Variants in SENP6 observed in about 807,000 individuals in gnomAD.
The protein encoded by SENP6 is SUMO specific peptidase 6.
SENP6 carries 41 observed loss-of-function variants against 134.5 expected under a neutral mutation model. The observed-to-expected ratio is 0.30, with a 90% CI of 0.24 to 0.40. The LOEUF is 0.40. Ranked by LOEUF, SENP6 falls within the 10% of genes least tolerant of loss-of-function variation. SENP6 has a pLI of 1.00. For synonymous variants in SENP6, 395 were observed against 429.8 expected (o/e 0.92, Z 1.00); for missense variants, 1,248 against 1,312.5 (o/e 0.95, Z 0.76).
Position 75,715,857 on chromosome 6 carries a change from C to A in SENP6, c.*263C>A. 4.2e-6 allele frequency: 1 copy of A among 238,818 alleles called. No individual in the cohort carries two copies. 14.8% of individuals were successfully genotyped at this position (238,818 alleles called of 1,614,324 possible). On this transcript the variant is annotated 3_prime_UTR_variant, in exon 24 of 24. Coordinates refer to ENST00000447266, the MANE Select transcript of SENP6 (RefSeq NM_015571.4). Reference sequence around the variant, plus strand: ...GTTATGTATTTTCTGTTAATAGTACCTAAAATTGCAACTTCTAAACACAAA... The same window carrying A: ...GTTATGTATTTTCTGTTAATAGTACATAAAATTGCAACTTCTAAACACAAA...
At chr6:75,676,856 C>T (rs979094540) in intron 13 of SENP6, 174 bp from the exon 14 acceptor site, 3 of 524,766 alleles carry the variant, frequency 5.7e-6, no homozygotes, top group African/African-American at 5.7e-5. Flanking sequence ...GCATGTAACA[C>T]ATACTGGTCT....
chr6:75,636,778 G>C (rs529873358), intron 5 of SENP6, among the ~76,000 whole-genome samples: 47 of 152,218 alleles, frequency 3.1e-4, no homozygotes, highest in Non-Finnish European at 5.0e-4. Flanking sequence ...TAAGATTGTT[G>C]CTTCCAGGGA....
chr6:75,625,061 T>G (rs1192849462), intron 3 of SENP6, among the ~76,000 whole-genome samples: 3 of 151,274 alleles, frequency 2.0e-5, no homozygotes, highest in Admixed American at 6.6e-5. Context: ...TTGGAGAAAT[T>G]GGCCCTTTGC....
intron 16 of SENP6, among the ~76,000 whole-genome samples, chr6:75,687,421 C>T (rs1490642632): frequency 6.6e-6 from 1 of 152,210 alleles, no homozygotes; most frequent in Non-Finnish European, 1.5e-5. Context: ...AGTCATTCTC[C>T]GTCCAGCTTT....
At chr6:75,610,479 AG>A (rs1377258092) in intron 1 of SENP6, among the ~76,000 whole-genome samples, 1 of 152,222 alleles carries the variant, frequency 6.6e-6, no homozygotes, top group Non-Finnish European at 1.5e-5. Flanking sequence ...CTACAGTTAC[AG>A]AAAGTGATAG....
At chr6:75,604,163 TA>T (rs1207393909) in intron 1 of SENP6, among the ~76,000 whole-genome samples, 11 of 152,196 alleles carry the variant, frequency 7.2e-5, no homozygotes, top group African/African-American at 2.4e-4. Context: ...TAGGGAGGAT[TA>T]AAACAAGCAC....
At chr6:75,630,904 A>T (rs1048265074) in intron 3 of SENP6, among the ~76,000 whole-genome samples, 1 of 151,838 alleles carries the variant, frequency 6.6e-6, no homozygotes, top group South Asian at 2.1e-4. Context: ...AGGAAAAAAA[A>T]TGGCTAATGG....
Position 75,602,544 on chromosome 6 carries a change from G to C in SENP6, c.20G>C (p.Gly7Ala). The change falls in exon 1 of 24, where the codon GGC becomes GCC. Residue 7 changes from glycine to alanine, a missense_variant. Transcript: ENST00000447266. ...AGGAAGATGGCGGCCGGCAAGAGCG[G>C]CGGTAGCGCAGGGGAGATTACTTTT... Reference protein sequence around the residue: MAAGKSGGSAGEITFLE... With the variant: MAAGKSAGSAGEITFLE... The C allele has an allele frequency of 6.4e-7, 1 of 1,551,604 alleles. No individual in the cohort carries two copies. Among genetic ancestry groups the C allele is most frequent in the Non-Finnish European group, 8.7e-7 (1 of 1,146,940 alleles).
chr6:75,622,940 T>G (rs1768386771), intron 2 of SENP6: 1 of 586,332 alleles, frequency 1.7e-6, no homozygotes, highest in African/African-American at 2.0e-5. Flanking sequence ...CTTTAAAATA[T>G]AAAACAATTA....
rs1367414283 is a variant in SENP6 at position 75,710,611 on chromosome 6, C to T, written c.2821-717C>T. Among the ~76,000 whole-genome samples the T allele has an allele frequency of 2.6e-5, 4 of 152,278 alleles. No individual in the cohort carries two copies. In the East Asian group the frequency reaches 5.8e-4, roughly 22 times the overall value. On this transcript the variant is annotated intron_variant, in intron 20 of 23. Transcript: ENST00000447266. ...TTCAATCCAACATATATAGGAATTA[C>T]ATTCATGATTTATAATGAGCACTTA...
At chr6:75,652,002 C>T (rs1770905159) in intron 7 of SENP6, among the ~76,000 whole-genome samples, 1 of 151,838 alleles carries the variant, frequency 6.6e-6, no homozygotes, top group South Asian at 2.1e-4. Context: ...ATGGTGAAAC[C>T]CTAACTCTCC....
chr6:75,713,663 G>T lies in SENP6; in HGVS notation c.2979-12G>T, dbSNP rs1775881271. Reference sequence around the variant, plus strand: ...ATATGTGTGTATTCTTAATATATATGAATTATTGCAGGTATTTAGAAGTGG... The same window carrying T: ...ATATGTGTGTATTCTTAATATATATTAATTATTGCAGGTATTTAGAAGTGG... On this transcript the variant is annotated splice_polypyrimidine_tract_variant and intron_variant, in intron 22 of 23. Transcript: ENST00000447266. 6.9e-6 allele frequency: 11 copies of T among 1,602,840 alleles called. No individual in the cohort carries two copies. Among genetic ancestry groups the T allele is most frequent in the Non-Finnish European group, 8.5e-6 (10 of 1,171,106 alleles).
chr6:75,654,946 C>T (rs111283168), intron 7 of SENP6: 31 of 152,282 alleles, frequency 2.0e-4, no homozygotes, highest in African/African-American at 7.2e-4. Flanking sequence ...TACGTTAATT[C>T]ATCTTATTTT....
At chr6:75,622,945 C>T in intron 2 of SENP6, 1 of 563,968 alleles carries the variant, frequency 1.8e-6, no homozygotes, top group East Asian at 7.1e-5. Flanking sequence ...AAATATAAAA[C>T]AATTATTCAG....
chr6:75,708,127 T>G (rs910582512), intron 19 of SENP6, among the ~76,000 whole-genome samples: 7 of 152,194 alleles, frequency 4.6e-5, no homozygotes, highest in African/African-American at 1.7e-4. Context: ...TGGCGCAGTC[T>G]TGGCTTACTG....
chr6:75,644,847 C>G (rs1466836241), intron 6 of SENP6, among the ~76,000 whole-genome samples: 2 of 152,038 alleles, frequency 1.3e-5, no homozygotes, highest in African/African-American at 2.4e-5. Context: ...TCTTTTTTGA[C>G]GTGTGATGGC....
chr6:75,709,703 T>C, intron 20 of SENP6, 73 bp downstream of exon 20: 1 of 1,029,990 alleles, frequency 9.7e-7, no homozygotes, highest in Non-Finnish European at 1.5e-6. Flanking sequence ...AACATGGTGG[T>C]GCACACCTGT....
rs1487742089 is a variant in SENP6 at position 75,716,123 on chromosome 6, C to T, written c.*529C>T. The T allele has an allele frequency of 6.6e-6, 1 of 152,016 alleles. No individual in the cohort carries two copies. The highest frequency in any genetic ancestry group is 1.9e-4 in the East Asian group (1 of 5,208). The allele number at this position is 152,016 out of a possible 1,614,324, so 9.4% of individuals were successfully genotyped here. A position where few individuals can be genotyped will look rare whatever the true frequency, so the allele number is the denominator to read the frequency against. ...GGAACAAAGTAACAGCCTTTCAATT[C>T]ATATACTGCCTTGTGTTCAGTGAAC... On this transcript the variant is annotated 3_prime_UTR_variant, in exon 24 of 24. Coordinates refer to ENST00000447266, the MANE Select transcript of SENP6 (RefSeq NM_015571.4).
At chr6:75,613,055 A>G (rs896712992) in intron 1 of SENP6, among the ~76,000 whole-genome samples, 3 of 152,012 alleles carry the variant, frequency 2.0e-5, no homozygotes, top group Non-Finnish European at 4.4e-5. Flanking sequence ...CAGAGGTTGC[A>G]GTGAGCCGAG....
Sources: gnomAD v4.1 joint callset for allele counts (sites outside exome capture counted in the v4.1 genomes callset) on GRCh38, gnomAD v4.1.1 for gene constraint, MANE v1.5 for transcripts, NCBI Gene and HGNC (gene_info 2026-07-23, HGNC 2026-07-21) for gene names.